Variants in NPAS3 observed in about 807,000 individuals in gnomAD.
The protein encoded by NPAS3 is neuronal PAS domain-containing protein 3.
In NPAS3, 14 loss-of-function variants were observed where a neutral mutation model predicts 73.1. The observed-to-expected ratio is 0.19, with a 90% confidence interval of 0.13 to 0.30. NPAS3 has a LOEUF of 0.30. Among genes scored for constraint, NPAS3 ranks in the 10% least tolerant of loss-of-function variants. The pLI, the probability that NPAS3 is intolerant of heterozygous loss-of-function variation, is 1.00. For missense variants in NPAS3, 1,096 were observed against 1,250.0 expected (o/e 0.88, Z 1.86); for synonymous variants, 620 against 541.5 (o/e 1.14, Z -2.01).
intron 5 of NPAS3, among the ~76,000 whole-genome samples, chr14:33,658,961 A>G (rs2140265631): frequency 6.6e-6 from 1 of 152,312 alleles, no homozygotes; most frequent in East Asian, 1.9e-4. Flanking sequence ...ATAATAGATA[A>G]GCTGCCATAT....
At chr14:33,723,245 A>T (rs1298645821) in intron 6 of NPAS3, among the ~76,000 whole-genome samples, 1 of 151,986 alleles carries the variant, frequency 6.6e-6, no homozygotes, top group East Asian at 1.9e-4. Flanking sequence ...AAACTCTTCC[A>T]TTTGTCATCC....
At chr14:33,404,958 TG>T (rs768998609) in intron 4 of NPAS3, among the ~76,000 whole-genome samples, 121 of 152,108 alleles carry the variant, frequency 8.0e-4, no homozygotes, top group Non-Finnish European at 1.4e-3. Context: ...TGTTCTCCCT[TG>T]TCTATATTGT....
chr14:33,723,870 C>A (rs1292174356), intron 6 of NPAS3, among the ~76,000 whole-genome samples: 1 of 152,148 alleles, frequency 6.6e-6, no homozygotes, highest in Non-Finnish European at 1.5e-5. Context: ...CTCAAGGAGG[C>A]AAACGGATGT....
chr14:33,648,011 A>T lies in NPAS3; in HGVS notation c.559-28200A>T, dbSNP rs74950707. 1.0e-3 allele frequency among the ~76,000 whole-genome samples: 156 copies of T among 152,274 alleles called. 2 individuals are homozygous for T. In the East Asian group the frequency reaches 0.017, roughly 16 times the overall value. ...AGTCACTGAACACCCTTCCTTGGTGATAACCTATTTAACCTCCCCTGCTAC... is the reference window on the plus strand; with the variant it reads ...AGTCACTGAACACCCTTCCTTGGTGTTAACCTATTTAACCTCCCCTGCTAC... On this transcript the variant is annotated intron_variant, in intron 5 of 11. Coordinates refer to ENST00000356141, the Ensembl canonical transcript of NPAS3.
chr14:33,617,606 C>G (rs954435211), intron 5 of NPAS3, among the ~76,000 whole-genome samples: 1 of 152,202 alleles, frequency 6.6e-6, no homozygotes, highest in African/African-American at 2.4e-5. Flanking sequence ...ATGTACACTC[C>G]TGTTCCTTCT....
chr14:33,770,404 C>G (rs2138435536), intron 7 of NPAS3, among the ~76,000 whole-genome samples: 1 of 152,230 alleles, frequency 6.6e-6, no homozygotes, highest in East Asian at 1.9e-4. Flanking sequence ...ATCAAAACCC[C>G]CTTTCTTGAT....
At chr14:33,111,128 C>T (rs2042877591) in intron 2 of NPAS3, among the ~76,000 whole-genome samples, 1 of 152,206 alleles carries the variant, frequency 6.6e-6, no homozygotes, top group Non-Finnish European at 1.5e-5. Flanking sequence ...CCTTGGAAGG[C>T]TCTGCCACTG....
intron 5 of NPAS3, among the ~76,000 whole-genome samples, chr14:33,591,306 A>C (rs935505045): frequency 7.2e-5 from 11 of 152,190 alleles, no homozygotes; most frequent in Non-Finnish European, 1.5e-4. Context: ...GCCAATGTCC[A>C]TCATGACTCC....
intron 5 of NPAS3, 46 bp from the exon 6 acceptor site, chr14:33,676,165 A>G: frequency 6.3e-7 from 1 of 1,587,594 alleles, no homozygotes; most frequent in Non-Finnish European, 8.6e-7. Flanking sequence ...AAAATGGAGA[A>G]GCCTATATAA....
At chr14:33,325,305 T>C (rs1157104062) in intron 3 of NPAS3, among the ~76,000 whole-genome samples, 2 of 152,122 alleles carry the variant, frequency 1.3e-5, no homozygotes, top group African/African-American at 4.8e-5. Context: ...GCATTTATCA[T>C]TTGTGTTACA....
chr14:33,731,100 T>C (rs2061386556), intron 6 of NPAS3, among the ~76,000 whole-genome samples: 1 of 152,106 alleles, frequency 6.6e-6, no homozygotes, highest in African/African-American at 2.4e-5. Context: ...TCTGACACTT[T>C]AATTACAGTG....
chr14:33,238,611 A>C (rs1477668793), intron 3 of NPAS3, among the ~76,000 whole-genome samples: 1 of 152,036 alleles, frequency 6.6e-6, no homozygotes, highest in East Asian at 1.9e-4. Flanking sequence ...TAAGAAATTA[A>C]AATGGCAAAA....
intron 7 of NPAS3, among the ~76,000 whole-genome samples, chr14:33,764,770 A>G (rs1269783971): frequency 6.6e-6 from 1 of 152,262 alleles, no homozygotes; most frequent in Non-Finnish European, 1.5e-5. Context: ...CCTCCACAGT[A>G]GTACAATGGG....
chr14:33,023,759 T>C (rs1160271277), intron 1 of NPAS3, among the ~76,000 whole-genome samples: 2 of 152,198 alleles, frequency 1.3e-5, no homozygotes, highest in African/African-American at 4.8e-5. Flanking sequence ...TTTTTTAATA[T>C]TGTATTACAA....
intron 6 of NPAS3, among the ~76,000 whole-genome samples, chr14:33,701,965 A>G (rs965027904): frequency 6.6e-6 from 1 of 152,226 alleles, no homozygotes; most frequent in African/African-American, 2.4e-5. Context: ...AACCAACTAT[A>G]TAGGAAGCAA....
chr14:32,971,305 G>A (rs758307732), intron 1 of NPAS3, among the ~76,000 whole-genome samples: 43 of 151,952 alleles, frequency 2.8e-4, no homozygotes, highest in South Asian at 1.0e-3. Flanking sequence ...GGCTGGTCTC[G>A]AATTCCTGAC....
chr14:33,695,509 T>A (rs1198769001), intron 6 of NPAS3, among the ~76,000 whole-genome samples: 1 of 152,198 alleles, frequency 6.6e-6, no homozygotes, highest in African/African-American at 2.4e-5. Context: ...CTTCACATTG[T>A]CAAGTTGGAA....
intron 1 of NPAS3, among the ~76,000 whole-genome samples, chr14:33,035,403 G>T (rs1194015844): frequency 6.6e-6 from 1 of 152,050 alleles, no homozygotes; most frequent in African/African-American, 2.4e-5. Context: ...TGACATTTCA[G>T]ATATTTTCAT....
exon 8 of NPAS3, chr14:33,774,484 G>A (rs777057923): frequency 2.6e-5 from 42 of 1,614,008 alleles, no homozygotes; most frequent in East Asian, 1.1e-4. Flanking sequence ...CCATATGTTC[G>A]TCACTCGAGT....
Sources: allele counts gnomAD v4.1 joint callset (sites outside exome capture counted in the v4.1 genomes callset), GRCh38; gene constraint gnomAD v4.1.1; transcripts MANE v1.5; gene names NCBI Gene and HGNC (gene_info 2026-07-23, HGNC 2026-07-21).